Variants in PIEZO2 observed in about 807,000 individuals in gnomAD.
PIEZO2 encodes the protein piezo-type mechanosensitive ion channel component 2.
Under a neutral mutation model 337.3 loss-of-function variants are expected in PIEZO2, and 172 were observed. The observed-to-expected ratio is 0.51, with a 90% CI of 0.45 to 0.58. PIEZO2 has a LOEUF of 0.58. PIEZO2 is among the 20% of genes least tolerant of loss of function. The pLI is 0.00. For synonymous variants in PIEZO2, 1,251 were observed against 1,228.5 expected (o/e 1.02, Z -0.38); for missense variants, 3,028 against 3,391.3 (o/e 0.89, Z 2.66).
At chr18:10,757,833 G>T in intron 27 of PIEZO2, 136 bp downstream of exon 27, 2 of 1,001,048 alleles carry the variant, frequency 2.0e-6, no homozygotes, top group Non-Finnish European at 2.8e-6. Flanking sequence ...GAACCACATT[G>T]TCCAGCATTT....
intron 47 of PIEZO2, among the ~76,000 whole-genome samples, chr18:10,693,006 T>C (rs996064732): frequency 6.6e-6 from 1 of 152,190 alleles, no homozygotes; most frequent in Non-Finnish European, 1.5e-5. Flanking sequence ...TTTTGATGCA[T>C]GAATTTAAGT....
Position 11,021,043 on chromosome 18 carries a change from C to T in PIEZO2, c.161-41383G>A, listed in dbSNP as rs2036291461. Among the ~76,000 whole-genome samples, 1 of 152,198 alleles carries T rather than the reference C, an allele frequency of 6.6e-6. No homozygotes were observed. Among genetic ancestry groups the T allele is most frequent in the Non-Finnish European group, 1.5e-5 (1 of 68,036 alleles). ...CCTGCTCAGCAGAAAAGCACTAACC[C>T]TCATGGAGTCACTGTAGGAAGTGAC... On this transcript the variant is annotated intron_variant, in intron 2 of 55. Coordinates refer to ENST00000674853, the MANE Select transcript of PIEZO2 (RefSeq NM_001378183.1). This position sits in a 1 kb window ranked among gnomAD's most constrained non-coding sequence, Gnocchi z 4.7.
In PIEZO2 at chr18:10,815,797, T is replaced by C. The variant is rs2040345991; in HGVS notation, c.918-8523A>G. On this transcript the variant is annotated intron_variant, in intron 7 of 55. Coordinates refer to ENST00000674853, the MANE Select transcript of PIEZO2 (RefSeq NM_001378183.1). This position sits in a 1 kb window ranked among gnomAD's most constrained non-coding sequence, Gnocchi z 4.1. The stretch of plus-strand genomic sequence containing the variant: ...ACACTTTCTTCTCACACATAGAATA[T>C]ACTTTCTACCTCTCCAAGAAAAACA... Among the ~76,000 whole-genome samples, 2 of 152,182 alleles carry C rather than the reference T, an allele frequency of 1.3e-5. No homozygotes were observed. Among genetic ancestry groups the C allele is most frequent in the Non-Finnish European group, 2.9e-5 (2 of 68,040 alleles).
chr18:10,730,975 C>A (rs547318254), intron 36 of PIEZO2, among the ~76,000 whole-genome samples: 76 of 152,222 alleles, frequency 5.0e-4, no homozygotes, highest in African/African-American at 1.8e-3. Context: ...ATCCACTCGC[C>A]TTGGCCTCCC....
chr18:10,735,815 C>T (rs111274614), intron 34 of PIEZO2, among the ~76,000 whole-genome samples: 4,010 of 152,250 alleles, frequency 0.026, 97 homozygotes, highest in Middle Eastern at 0.044. Context: ...AAAAAACTGA[C>T]GAAGGCCTTA....
Position 11,027,857 on chromosome 18 carries a change from A to T in PIEZO2, c.160+38270T>A, listed in dbSNP as rs2036589920. Among the ~76,000 whole-genome samples, 2 of 152,188 alleles carry T rather than the reference A, an allele frequency of 1.3e-5. No homozygotes were observed. The highest frequency in any genetic ancestry group is 4.1e-4 in the South Asian group (2 of 4,828). ...AGTGGTTTTTCCATTTGAGAGTTTC[A>T]TGTTGTTTTGCTTTTAACAGCAAAG... is the stretch of plus-strand genomic sequence containing the variant. On this transcript the variant is annotated intron_variant, in intron 2 of 55. Transcript: ENST00000674853. This position sits in a 1 kb window ranked among gnomAD's most constrained non-coding sequence, Gnocchi z 4.2.
At position 10,855,419 on chromosome 18, in the gene PIEZO2, A is replaced by G. The variant is rs1458802183; in HGVS notation, c.851T>C (p.Ile284Thr). ...TTGGAACTGGTATAAATAAAGTCCAATCAAATGTCCAGCAGTGAAAATAGC... is the reference window on the plus strand; with the variant it reads ...TTGGAACTGGTATAAATAAAGTCCAGTCAAATGTCCAGCAGTGAAAATAGC... ...LLAIFTAGHL[I>T]GLYLYQFQFF... The change falls in exon 7 of 56, where the codon ATT (isoleucine) becomes ACT (threonine). Residue 284 changes from isoleucine (I) to threonine (T), a missense_variant. Physicochemically the swap from Ile to Thr is moderately conservative, Grantham distance 89 (BLOSUM62 -1). Coordinates refer to ENST00000674853, the MANE Select transcript of PIEZO2 (RefSeq NM_001378183.1). The surrounding 1 kb of genome is among the most constrained non-coding windows in gnomAD (Gnocchi z 4.9). 101 of 1,537,074 alleles carry G rather than the reference A, an allele frequency of 6.6e-5. No individual in the cohort carries two copies. Among genetic ancestry groups the G allele is most frequent in the East Asian group, 1.5e-4 (6 of 40,930 alleles).
At chr18:11,085,601 T>C (rs889852839) in intron 1 of PIEZO2, among the ~76,000 whole-genome samples, 1 of 152,136 alleles carries the variant, frequency 6.6e-6, no homozygotes, top group Non-Finnish European at 1.5e-5. Context: ...GATTGTTCAC[T>C]GGCAATAAAC....
In PIEZO2 at chr18:10,807,134, C is replaced by A. The variant is rs750182837; in HGVS notation, c.1058G>T (p.Arg353Leu). Residue 353 changes from arginine to leucine, a missense_variant, in exon 8 of 56, where the codon CGC becomes CTC. By Grantham distance (102) the Arg-to-Leu change is moderately radical (BLOSUM62 -2). Transcript: ENST00000674853. ...TACAAGGGGCTCTTGCAGCCAGATG[C>A]GGATCAGAGTGGCCAGAGTGTAGTA... ...VMYYTLATLI[R>L]IWLQEPLVQD... is the part of the protein sequence containing the mutation. The A allele has an allele frequency of 2.0e-6, 3 of 1,536,326 alleles. No individual in the cohort carries two copies. Among genetic ancestry groups the A allele is most frequent in the Non-Finnish European group, 1.7e-6 (2 of 1,146,500 alleles).
chr18:10,724,634 G>A lies in PIEZO2; in HGVS notation c.5030-6375C>T. On this transcript the variant is annotated intron_variant, in intron 36 of 55. Coordinates refer to ENST00000674853, the MANE Select transcript of PIEZO2 (RefSeq NM_001378183.1). The surrounding 1 kb of genome is among the most constrained non-coding windows in gnomAD (Gnocchi z 5.8). ...CAAGACAGAATGGTGCTGGACTCGG[G>A]GTCTCAGGCGTATGATCAGGCACCC... The A allele has an allele frequency of 1.4e-6, 1 of 701,054 alleles. No individual in the cohort carries two copies. Among genetic ancestry groups the A allele is most frequent in the East Asian group, 2.6e-5 (1 of 39,078 alleles). The allele number at this position is 701,054 out of a possible 1,614,324, so 43.4% of individuals were successfully genotyped here.
chr18:10,871,334 C>A lies in PIEZO2; in HGVS notation c.411G>T (p.Trp137Cys), dbSNP rs1456921759. 1.3e-6 allele frequency: 2 copies of A among 1,537,190 alleles called. No homozygotes were observed. Among genetic ancestry groups the A allele is most frequent in the Non-Finnish European group, 1.7e-6 (2 of 1,146,846 alleles). ...TCTGAACAATGTTTCTACAGAGGAG[C>A]CAGATGGTCAGACTAGCAATGAACA... ...IGMFIASLTI[W>C]LLCRNIVQKP... is the part of the protein sequence containing the mutation. The change falls in exon 5 of 56, where the codon TGG becomes TGT. Residue 137 changes from tryptophan to cysteine, a missense_variant. Trp to Cys is a radical substitution (Grantham distance 215). Around this residue, in one of 5 missense-constraint regions of PIEZO2, gnomAD observed 542 missense variants for 605.6 expected, o/e 0.89. Transcript: ENST00000674853.
chr18:10,752,533 T>A, intron 28 of PIEZO2, 103 bp downstream of exon 28: 1 of 1,342,050 alleles, frequency 7.5e-7, no homozygotes, highest in Non-Finnish European at 1.0e-6. Context: ...TTGGGGCTTT[T>A]AAGAGAGCAA....
intron 1 of PIEZO2, among the ~76,000 whole-genome samples, chr18:11,130,849 G>A (rs2040320171): frequency 6.6e-6 from 1 of 152,216 alleles, no homozygotes; most frequent in East Asian, 1.9e-4. Flanking sequence ...CATTTATCAA[G>A]TGACCCAAAA....
chr18:10,693,565 A>G (rs1489739885), intron 47 of PIEZO2, among the ~76,000 whole-genome samples: 2 of 151,356 alleles, frequency 1.3e-5, no homozygotes, highest in African/African-American at 4.9e-5. Flanking sequence ...GTTTCACCAT[A>G]TTGGCCAGGC....
rs145371568 is a variant in PIEZO2 at position 11,011,364 on chromosome 18, A to G, written c.161-31704T>C. The stretch of plus-strand genomic sequence containing the variant: ...CAATATCAAACTAGTCTCTCTTTGT[A>G]ATTAAAATCTACTATGCCGTGTTTG... On this transcript the variant is annotated intron_variant, in intron 2 of 55. Transcript: ENST00000674853. Among the ~76,000 whole-genome samples the G allele has an allele frequency of 1.1e-3, 160 of 152,326 alleles. 2 individuals carry two copies. The highest frequency in any genetic ancestry group is 3.5e-3 in the African/African-American group (145 of 41,582).
Position 11,148,368 on chromosome 18 carries a change from G to A in PIEZO2, c.64+157C>T, listed in dbSNP as rs950994299. Among the ~76,000 whole-genome samples the A allele has an allele frequency of 6.6e-6, 1 of 152,118 alleles. No individual in the cohort carries two copies. The highest frequency in any genetic ancestry group is 1.5e-5 in the Non-Finnish European group (1 of 68,022). ...GCGCGCCCCAGAGTGGGAAGTGAGA[G>A]AGCCAGGCTGTGCACCAGGGACAGC... On this transcript the variant is annotated intron_variant, in intron 1 of 55. Coordinates refer to ENST00000674853, the MANE Select transcript of PIEZO2 (RefSeq NM_001378183.1). This position sits in a 1 kb window ranked among gnomAD's most constrained non-coding sequence, Gnocchi z 5.2.
chr18:11,091,915 T>A (rs1344836571), intron 1 of PIEZO2, among the ~76,000 whole-genome samples: 2 of 152,198 alleles, frequency 1.3e-5, no homozygotes, highest in Non-Finnish European at 2.9e-5. Flanking sequence ...AGGCTCCGCT[T>A]TCACACGACA....
rs1415167676 is a variant in PIEZO2, at chr18:10,824,598, C to G, written c.918-17324G>C. Among the ~76,000 whole-genome samples, 3 of 151,932 alleles carry G rather than the reference C, an allele frequency of 2.0e-5. No individual in the cohort carries two copies. The highest frequency in any genetic ancestry group is 2.9e-5 in the Non-Finnish European group (2 of 67,964). ...CATCCATTTAAAATAATAAAAAAAT[C>G]CATCTATCTATATATCCATATCTAT... On this transcript the variant is annotated intron_variant, in intron 7 of 55. Coordinates refer to ENST00000674853, the MANE Select transcript of PIEZO2 (RefSeq NM_001378183.1). This position sits in a 1 kb window ranked among gnomAD's most constrained non-coding sequence, Gnocchi z 4.4.
chr18:11,140,741 C>T (rs2040620213), intron 1 of PIEZO2, among the ~76,000 whole-genome samples: 1 of 152,162 alleles, frequency 6.6e-6, no homozygotes, highest in South Asian at 2.1e-4. Context: ...TGGCCACAGA[C>T]CGACTTTTCC....
Sources: gnomAD v4.1 joint callset for allele counts (sites outside exome capture counted in the v4.1 genomes callset) on GRCh38, gnomAD v4.1.1 for gene constraint, gnomAD v4.1.1 regional missense constraint, Gnocchi (gnomAD v3.1) non-coding constraint, MANE v1.5 for transcripts, NCBI Gene and HGNC (gene_info 2026-07-23, HGNC 2026-07-21) for gene names.